The following ITGA9 variants were observed in gnomAD, a reference collection of about 807,000 sequenced individuals.
ITGA9 encodes the protein integrin subunit alpha 9, also known as integrin alpha-9.
Under a neutral mutation model 127.8 loss-of-function variants are expected in ITGA9, and 56 were observed. The ratio of observed to expected loss-of-function variants is 0.44; its 90% CI spans 0.35 to 0.55. ITGA9 has a LOEUF of 0.55. Among genes scored for constraint, ITGA9 ranks in the 20% least tolerant of loss-of-function variants. The probability of loss-of-function intolerance (pLI) is 0.00; values close to 1 mark genes in which losing one functional copy is unlikely to be tolerated. For synonymous variants in ITGA9, 508 were observed against 514.5 expected (o/e 0.99, Z 0.17); for missense variants, 1,196 against 1,347.1 (o/e 0.89, Z 1.76).
chr3:37,497,143 T>C (rs1364390727), intron 5 of ITGA9, among the ~76,000 whole-genome samples: 1 of 152,228 alleles, frequency 6.6e-6, no homozygotes, highest in African/African-American at 2.4e-5. Flanking sequence ...CAGTACATTA[T>C]TCTGTTTTGT....
chr3:37,479,158 C>T (rs903764212), intron 3 of ITGA9, among the ~76,000 whole-genome samples: 4 of 151,570 alleles, frequency 2.6e-5, no homozygotes, highest in Admixed American at 1.3e-4. Flanking sequence ...TTCAAGTTTG[C>T]GAGCCATAAG....
chr3:37,623,011 C>G (rs1700142092), intron 15 of ITGA9, among the ~76,000 whole-genome samples: 2 of 151,982 alleles, frequency 1.3e-5, no homozygotes, highest in Admixed American at 1.3e-4. Flanking sequence ...ATTTTCCTTC[C>G]TTTTTCCTCT....
intron 15 of ITGA9, among the ~76,000 whole-genome samples, chr3:37,606,169 G>T (rs1159174771): frequency 6.6e-6 from 1 of 152,174 alleles, no homozygotes; most frequent in Non-Finnish European, 1.5e-5. Context: ...CATAGTATGG[G>T]TTATTTAGAA....
At chr3:37,590,549 A>G (rs939107466) in intron 15 of ITGA9, among the ~76,000 whole-genome samples, 12 of 152,322 alleles carry the variant, frequency 7.9e-5, no homozygotes, top group African/African-American at 2.6e-4. Context: ...AGCTACGGCC[A>G]CACCAGCCCT....
chr3:37,630,298 C>T (rs1379581176), intron 16 of ITGA9, among the ~76,000 whole-genome samples: 1 of 152,190 alleles, frequency 6.6e-6, no homozygotes, highest in African/African-American at 2.4e-5. Flanking sequence ...CCCAAAGCCT[C>T]TTTCCCATCA....
intron 16 of ITGA9, among the ~76,000 whole-genome samples, chr3:37,651,411 C>T (rs146463568): frequency 1.3e-3 from 194 of 152,282 alleles, no homozygotes; most frequent in African/African-American, 4.2e-3. Flanking sequence ...TGGCTCTAAG[C>T]TGGGGCATCC....
At chr3:37,754,741 A>T (rs1696629540) in intron 23 of ITGA9, among the ~76,000 whole-genome samples, 1 of 152,196 alleles carries the variant, frequency 6.6e-6, no homozygotes, top group Admixed American at 6.5e-5. Context: ...GCCAGGACTC[A>T]TATTTTAGTA....
In ITGA9 at chr3:37,540,576, T is replaced by G. The variant is rs184118298; in HGVS notation, c.1529-1849T>G. ...GTGGGAATAGCCTGGCACCAGAGATTAAGGGAGTCCTAGATTCAGCTGTTT... is the reference window on the plus strand; with the variant it reads ...GTGGGAATAGCCTGGCACCAGAGATGAAGGGAGTCCTAGATTCAGCTGTTT... On this transcript the variant is annotated intron_variant, in intron 14 of 27. Coordinates refer to ENST00000264741, the MANE Select transcript of ITGA9 (RefSeq NM_002207.3). Among the ~76,000 whole-genome samples the G allele has an allele frequency of 1.6e-3, 248 of 152,292 alleles. 2 individuals carry two copies. The highest frequency in any genetic ancestry group is 6.9e-4 in the Non-Finnish European group (47 of 68,000).
intron 1 of ITGA9, among the ~76,000 whole-genome samples, chr3:37,457,205 G>A (rs115427173): frequency 1.2e-3 from 176 of 152,324 alleles, no homozygotes; most frequent in Middle Eastern, 6.8e-3. Flanking sequence ...ATAAAACACC[G>A]CAGGGCCTGA....
intron 16 of ITGA9, among the ~76,000 whole-genome samples, chr3:37,631,124 G>A (rs184965295): frequency 8.7e-4 from 133 of 152,276 alleles, no homozygotes; most frequent in Non-Finnish European, 1.4e-3. Flanking sequence ...AATCTTACTG[G>A]ACTGATAAAC....
chr3:37,572,338 T>A, intron 15 of ITGA9, among the ~76,000 whole-genome samples: 1 of 152,184 alleles, frequency 6.6e-6, no homozygotes, highest in East Asian at 1.9e-4. Flanking sequence ...GGAGTTCACA[T>A]TTTATCTTCA....
At chr3:37,679,443 G>A (rs970618008) in intron 17 of ITGA9, among the ~76,000 whole-genome samples, 3 of 152,178 alleles carry the variant, frequency 2.0e-5, no homozygotes, top group East Asian at 1.9e-4. Context: ...TGATATTAGA[G>A]CCATGGCTGG....
intron 18 of ITGA9, among the ~76,000 whole-genome samples, chr3:37,714,309 T>C (rs1407483424): frequency 6.6e-6 from 1 of 152,230 alleles, no homozygotes; most frequent in Non-Finnish European, 1.5e-5. Flanking sequence ...TGGGTTCCTT[T>C]TCAGCACTTC....
chr3:37,756,376 T>C (rs1268610337), intron 23 of ITGA9, among the ~76,000 whole-genome samples: 1 of 152,118 alleles, frequency 6.6e-6, no homozygotes, highest in African/African-American at 2.4e-5. Flanking sequence ...AAAAAGAAAT[T>C]GACACATTCA....
At chr3:37,523,452 A>G in intron 11 of ITGA9, 69 bp from the exon 12 acceptor site, 5 of 1,166,064 alleles carry the variant, frequency 4.3e-6, no homozygotes, top group Non-Finnish European at 5.2e-6. Context: ...GCTGGAATAA[A>G]GCAGTCACAG....
chr3:37,509,030 C>T (rs1698874378), intron 8 of ITGA9, among the ~76,000 whole-genome samples: 1 of 152,142 alleles, frequency 6.6e-6, no homozygotes, highest in Non-Finnish European at 1.5e-5. Flanking sequence ...CCTGTTTCAC[C>T]AGCCCAACAT....
intron 18 of ITGA9, among the ~76,000 whole-genome samples, chr3:37,689,127 C>T (rs1328077939): frequency 6.6e-6 from 1 of 152,172 alleles, no homozygotes; most frequent in Non-Finnish European, 1.5e-5. Flanking sequence ...ACTCAAGGCC[C>T]AGGCCTCCAA....
intron 4 of ITGA9, among the ~76,000 whole-genome samples, chr3:37,493,985 T>A (rs1251871869): frequency 1.3e-5 from 2 of 152,130 alleles, no homozygotes; most frequent in African/African-American, 4.8e-5. Context: ...ACAGCAATAG[T>A]GTAACCGAAT....
rs369081614 is a variant in ITGA9, at chr3:37,738,996, T to G, written c.2234+2013T>G. 8.5e-5 allele frequency among the ~76,000 whole-genome samples: 13 copies of G among 152,234 alleles called. No homozygotes were observed. The East Asian group carries it at 1.3e-3, about 16-fold the overall frequency. ...ATGCCTGATCTATCCCCAGAGACCC[T>G]GACCCTGCCTCTGCCTGGGGTGAGA... is the stretch of plus-strand genomic sequence containing the variant. On this transcript the variant is annotated intron_variant, in intron 20 of 27. Coordinates refer to ENST00000264741, the MANE Select transcript of ITGA9 (RefSeq NM_002207.3).
Sources: allele counts gnomAD v4.1 joint callset (sites outside exome capture counted in the v4.1 genomes callset), GRCh38; gene constraint gnomAD v4.1.1; transcripts MANE v1.5; gene names NCBI Gene and HGNC (gene_info 2026-07-23, HGNC 2026-07-21).